The following SLC44A5 variants were observed in gnomAD, a reference collection of about 807,000 sequenced individuals.
SLC44A5 encodes the protein choline transporter-like protein 5.
In SLC44A5, 57 loss-of-function variants were observed where a neutral mutation model predicts 101.8. The ratio of observed to expected loss-of-function variants is 0.56; its 90% CI spans 0.45 to 0.70. SLC44A5 has a LOEUF of 0.70. SLC44A5 is among the 30% of genes least tolerant of loss of function. SLC44A5 has a pLI of 0.00. For synonymous variants in SLC44A5, 281 were observed against 290.9 expected (o/e 0.97, Z 0.35); for missense variants, 737 against 853.1 (o/e 0.86, Z 1.70).
chr1:75,476,850 T>A (rs564164981), intron 2 of SLC44A5, among the ~76,000 whole-genome samples: 2 of 152,244 alleles, frequency 1.3e-5, no homozygotes, highest in Non-Finnish European at 2.9e-5. Flanking sequence ...AAGACAGCAG[T>A]AACCTCTGCA....
At chr1:75,263,410 A>G (rs553379350) in intron 6 of SLC44A5, among the ~76,000 whole-genome samples, 2 of 152,258 alleles carry the variant, frequency 1.3e-5, no homozygotes, top group East Asian at 3.9e-4. Flanking sequence ...TTAGACAAAT[A>G]AAATCAAAAC....
the SLC44A5 span, among the ~76,000 whole-genome samples, chr1:75,638,065 GTAA>G: frequency 6.6e-6 from 1 of 151,874 alleles, no homozygotes; most frequent in African/African-American, 2.4e-5. Context: ...TTATAATTGT[GTAA>G]TAATAGCTAA....
chr1:75,713,830 C>T, the SLC44A5 span, among the ~76,000 whole-genome samples: 9 of 152,090 alleles, frequency 5.9e-5, no homozygotes, highest in African/African-American at 1.7e-4. Context: ...CACTGAGATC[C>T]GACACTTTGT....
intron 2 of SLC44A5, among the ~76,000 whole-genome samples, chr1:75,509,116 T>G (rs1042184658): frequency 3.3e-5 from 5 of 152,194 alleles, no homozygotes; most frequent in Non-Finnish European, 4.4e-5. Flanking sequence ...CTCAGGCATA[T>G]CCACAGACCA....
chr1:75,329,344 T>C (rs1352212823), intron 4 of SLC44A5, among the ~76,000 whole-genome samples: 1 of 152,146 alleles, frequency 6.6e-6, no homozygotes, highest in Non-Finnish European at 1.5e-5. Context: ...CTGCAACACA[T>C]ACCTCCATGA....
intron 2 of SLC44A5, among the ~76,000 whole-genome samples, chr1:75,446,187 C>G (rs1305477975): frequency 6.6e-6 from 1 of 152,180 alleles, no homozygotes; most frequent in Non-Finnish European, 1.5e-5. Flanking sequence ...GTCACATAGT[C>G]TCTTGTTCAA....
At chr1:75,386,295 T>C (rs867807985) in intron 3 of SLC44A5, among the ~76,000 whole-genome samples, 4 of 152,290 alleles carry the variant, frequency 2.6e-5, no homozygotes, top group South Asian at 2.1e-4. Context: ...GACATGATTG[T>C]ATATCTAGAA....
At chr1:75,665,886 A>T in the SLC44A5 span, among the ~76,000 whole-genome samples, 1 of 152,196 alleles carries the variant, frequency 6.6e-6, no homozygotes, top group South Asian at 2.1e-4. Flanking sequence ...ATCGCTAATG[A>T]TCAGAGAAAT....
chr1:75,285,174 A>G (rs1652936505), intron 5 of SLC44A5, among the ~76,000 whole-genome samples: 2 of 151,774 alleles, frequency 1.3e-5, no homozygotes, highest in Non-Finnish European at 2.9e-5. Context: ...TATCATTTCA[A>G]TCTTGTTGGT....
At chr1:75,566,322 A>C (rs1345580708) in intron 1 of SLC44A5, among the ~76,000 whole-genome samples, 1 of 152,256 alleles carries the variant, frequency 6.6e-6, no homozygotes, top group Non-Finnish European at 1.5e-5. Context: ...GAATGAAATT[A>C]TCAATACTAA....
Position 75,281,644 on chromosome 1 carries a change from C to A in SLC44A5, c.176-6602G>T, listed in dbSNP as rs899547370. Among the ~76,000 whole-genome samples the A allele has an allele frequency of 5.5e-5, 6 of 108,124 alleles. 1 individual carries two copies. Among genetic ancestry groups the A allele is most frequent in the Non-Finnish European group, 1.3e-4 (6 of 46,346 alleles). 70.9% of individuals were successfully genotyped at this position (108,124 alleles called of 152,430 possible). On this transcript the variant is annotated intron_variant, in intron 5 of 23. Coordinates refer to ENST00000370859, the MANE Select transcript of SLC44A5 (RefSeq NM_001130058.2). ...TCCTGGGCTGGTGCCAGGCCCCCCC[C>A]CCCCCCCGCTGCATTTAGCCTAGGG...
chr1:75,211,376 CA>C, intron 23 of SLC44A5, 91 bp downstream of exon 23: 1 of 922,308 alleles, frequency 1.1e-6, no homozygotes, highest in East Asian at 2.6e-5. Context: ...CAGGTAACAG[CA>C]GATCCCCAAG....
At chr1:75,389,122 A>G (rs1661614231) in intron 3 of SLC44A5, among the ~76,000 whole-genome samples, 1 of 152,240 alleles carries the variant, frequency 6.6e-6, no homozygotes, top group Admixed American at 6.5e-5. Flanking sequence ...ATTTAAACAA[A>G]AAAGACATAT....
the SLC44A5 span, among the ~76,000 whole-genome samples, chr1:75,708,565 A>C: frequency 5.9e-5 from 9 of 152,142 alleles, no homozygotes; most frequent in Non-Finnish European, 1.3e-4. Flanking sequence ...AAAAGTAAAA[A>C]TATTAGTCTA....
Position 75,217,957 on chromosome 1 carries a change from A to G in SLC44A5, c.1533T>C (p.Tyr511=), listed in dbSNP as rs1444810687. The G allele has an allele frequency of 1.9e-6, 3 of 1,575,000 alleles. No homozygotes were observed. Among genetic ancestry groups the G allele is most frequent in the East Asian group, 4.5e-5 (2 of 44,598 alleles). ...LFTAFGRAIR[Y]HTGSLAFGSL... is the part of the protein sequence containing the mutation. ...ATCCAAATGCTAGGGATCCTGTGTG[A>G]TATCTGCACAAAAATAAAATGAGAA... Residue 511 remains tyrosine, a synonymous_variant, in exon 18 of 24, where the codon TAT becomes TAC. Coordinates refer to ENST00000370859, the MANE Select transcript of SLC44A5 (RefSeq NM_001130058.2).
chr1:75,612,116 A>T (rs947507524), upstream of SLC44A5, among the ~76,000 whole-genome samples: 2 of 152,190 alleles, frequency 1.3e-5, no homozygotes, highest in African/African-American at 4.8e-5. Context: ...GAAATTGCAT[A>T]GGTATTCTGG....
the SLC44A5 span, among the ~76,000 whole-genome samples, chr1:75,668,567 C>G: frequency 6.6e-6 from 1 of 151,148 alleles, no homozygotes; most frequent in South Asian, 2.1e-4. Context: ...AGTGATCTGC[C>G]TGCCTTGGCC....
At chr1:75,237,282 C>A (rs890621175) in intron 10 of SLC44A5, among the ~76,000 whole-genome samples, 2 of 152,100 alleles carry the variant, frequency 1.3e-5, no homozygotes, top group Admixed American at 6.6e-5. Context: ...GCAGAGAGAA[C>A]ATGGTTTTCA....
At chr1:75,614,411 A>T (rs1675778993), upstream of SLC44A5, among the ~76,000 whole-genome samples, 1 of 152,210 alleles carries the variant, frequency 6.6e-6, no homozygotes, top group South Asian at 2.1e-4. Flanking sequence ...AACAACAAAA[A>T]GTCCCAGGTG....
Sources: allele counts gnomAD v4.1 joint callset (sites outside exome capture counted in the v4.1 genomes callset), GRCh38; gene constraint gnomAD v4.1.1; transcripts MANE v1.5; gene names NCBI Gene and HGNC (gene_info 2026-07-23, HGNC 2026-07-21).